The following CACNA2D3 variants were observed in gnomAD, a reference collection of about 807,000 sequenced individuals.
CACNA2D3 encodes the protein voltage-dependent calcium channel subunit alpha-2/delta-3.
A neutral mutation model predicts 160.6 loss-of-function variants in CACNA2D3; 60 were observed. The observed-to-expected ratio is 0.37, with a 90% CI of 0.30 to 0.46. The LOEUF (loss-of-function observed/expected upper bound fraction) is 0.46. CACNA2D3 is among the 20% of genes least tolerant of loss of function. The probability of loss-of-function intolerance (pLI) is 1.00; values close to 1 mark genes in which losing one functional copy is unlikely to be tolerated. For synonymous variants in CACNA2D3, 558 were observed against 492.9 expected (o/e 1.13, Z -1.75); for missense variants, 1,205 against 1,365.0 (o/e 0.88, Z 1.85).
intron 4 of CACNA2D3, among the ~76,000 whole-genome samples, chr3:54,425,387 G>A (rs541147722): frequency 6.6e-6 from 1 of 152,248 alleles, no homozygotes; most frequent in South Asian, 2.1e-4. Flanking sequence ...CAAAGGCCAG[G>A]TAGCCATTTA....
At chr3:54,883,814 TCTCTCTCTC>T (rs796179533) in intron 21 of CACNA2D3, among the ~76,000 whole-genome samples, 20 of 143,012 alleles carry the variant, frequency 1.4e-4, no homozygotes, top group African/African-American at 4.7e-4. Context: ...TCTCTCTCTC[TCTCTCTCTC>T]CTCTCTCTCC....
chr3:54,421,424 C>T (rs893264707), intron 4 of CACNA2D3, among the ~76,000 whole-genome samples: 1 of 152,082 alleles, frequency 6.6e-6, no homozygotes, highest in Non-Finnish European at 1.5e-5. Context: ...GCTTTTGCTC[C>T]CTCTGCCCTT....
intron 35 of CACNA2D3, among the ~76,000 whole-genome samples, chr3:55,056,382 T>A (rs189971577): frequency 6.6e-6 from 1 of 152,238 alleles, no homozygotes; most frequent in Non-Finnish European, 1.5e-5. Flanking sequence ...ACAGCCATTA[T>A]AGAAAACTGT....
At chr3:54,483,459 C>A (rs369692826) in intron 4 of CACNA2D3, among the ~76,000 whole-genome samples, 3 of 152,156 alleles carry the variant, frequency 2.0e-5, no homozygotes, top group Non-Finnish European at 2.9e-5. Flanking sequence ...TTTTCTCTTG[C>A]CACAGAGCAG....
intron 4 of CACNA2D3, among the ~76,000 whole-genome samples, chr3:54,434,979 C>G (rs1700039813): frequency 6.6e-6 from 1 of 152,178 alleles, no homozygotes; most frequent in Admixed American, 6.5e-5. Context: ...TTTCATCATA[C>G]TTCTAATGGA....
At chr3:55,069,742 C>T (rs1370357418) in intron 35 of CACNA2D3, among the ~76,000 whole-genome samples, 1 of 152,146 alleles carries the variant, frequency 6.6e-6, no homozygotes, top group Non-Finnish European at 1.5e-5. Context: ...TTGTTCATGG[C>T]AATTGGTCTG....
intron 2 of CACNA2D3, among the ~76,000 whole-genome samples, chr3:54,260,854 A>G (rs1057066079): frequency 1.3e-5 from 2 of 152,060 alleles, no homozygotes; most frequent in African/African-American, 2.4e-5. Context: ...TATCATCTCC[A>G]TTAGAGGAGC....
At chr3:54,384,004 T>C (rs1374458002) in intron 3 of CACNA2D3, among the ~76,000 whole-genome samples, 1 of 152,206 alleles carries the variant, frequency 6.6e-6, no homozygotes, top group Non-Finnish European at 1.5e-5. Context: ...GTAAATAAAA[T>C]ATATATGAAA....
intron 27 of CACNA2D3, among the ~76,000 whole-genome samples, chr3:54,962,493 A>G (rs1702053200): frequency 6.6e-6 from 1 of 152,222 alleles, no homozygotes; most frequent in Non-Finnish European, 1.5e-5. Context: ...TGATGACAAC[A>G]CTATCAACTA....
At chr3:54,615,218 G>A (rs667612) in intron 9 of CACNA2D3, among the ~76,000 whole-genome samples, 67,044 of 152,054 alleles carry the variant, frequency 0.44, 16,066 homozygotes, top group Non-Finnish European at 0.53. Flanking sequence ...GGCATTGGTC[G>A]TTGATGACTA....
At chr3:54,855,515 G>A (rs1173748215) in intron 17 of CACNA2D3, among the ~76,000 whole-genome samples, 2 of 152,102 alleles carry the variant, frequency 1.3e-5, no homozygotes, top group Non-Finnish European at 2.9e-5. Flanking sequence ...TACATGGAAG[G>A]TTTGTCTTTT....
intron 2 of CACNA2D3, among the ~76,000 whole-genome samples, chr3:54,224,356 A>G (rs6763602): frequency 0.24 from 37,228 of 152,046 alleles, 4,708 homozygotes; most frequent in South Asian, 0.31. Context: ...GTAAACCACT[A>G]ACATCATTGT....
intron 2 of CACNA2D3, among the ~76,000 whole-genome samples, chr3:54,285,408 G>C (rs1163868469): frequency 6.6e-6 from 1 of 152,330 alleles, no homozygotes; most frequent in African/African-American, 2.4e-5. Flanking sequence ...CCCCAGGCTT[G>C]ATTAGGTAAA....
intron 2 of CACNA2D3, among the ~76,000 whole-genome samples, chr3:54,271,018 G>A (rs1702612288): frequency 6.6e-6 from 1 of 152,190 alleles, no homozygotes; most frequent in Non-Finnish European, 1.5e-5. Flanking sequence ...TTGGAAGGAG[G>A]CAGGAGGGCT....
chr3:55,040,933 G>A (rs886729152), intron 35 of CACNA2D3, among the ~76,000 whole-genome samples: 11 of 152,082 alleles, frequency 7.2e-5, no homozygotes, highest in Non-Finnish European at 1.2e-4. Flanking sequence ...ATTTTTGGTA[G>A]TTGGTTTAGC....
intron 5 of CACNA2D3, among the ~76,000 whole-genome samples, chr3:54,529,922 G>C (rs1259094355): frequency 6.6e-6 from 1 of 152,184 alleles, no homozygotes; most frequent in Non-Finnish European, 1.5e-5. Flanking sequence ...TGGGCAGGCA[G>C]ACAGCTTCTG....
At chr3:54,551,088 C>T (rs1240076453) in intron 5 of CACNA2D3, among the ~76,000 whole-genome samples, 1 of 152,204 alleles carries the variant, frequency 6.6e-6, no homozygotes, top group African/African-American at 2.4e-5. Flanking sequence ...GACTGCAGAC[C>T]CAGGTCTGCA....
intron 27 of CACNA2D3, chr3:54,924,551 G>A (rs1267132722): frequency 7.8e-7 from 1 of 1,278,640 alleles, no homozygotes; most frequent in Non-Finnish European, 1.1e-6. Flanking sequence ...TTCTAATGCA[G>A]AGAACAGATG....
intron 8 of CACNA2D3, among the ~76,000 whole-genome samples, chr3:54,577,573 T>A (rs1194700914): frequency 6.6e-6 from 1 of 152,190 alleles, no homozygotes; most frequent in Non-Finnish European, 1.5e-5. Flanking sequence ...CAGCTCTGGG[T>A]GCAGGGTGTC....
Sources: allele counts gnomAD v4.1 joint callset (sites outside exome capture counted in the v4.1 genomes callset), GRCh38; gene constraint gnomAD v4.1.1; transcripts MANE v1.5; gene names NCBI Gene and HGNC (gene_info 2026-07-23, HGNC 2026-07-21).